Variants in SLC1A2 observed in about 807,000 individuals in gnomAD.
SLC1A2 encodes the protein solute carrier family 1 member 2, also known as excitatory amino acid transporter 2.
Under a neutral mutation model 48.8 loss-of-function variants are expected in SLC1A2, and 15 were observed. The observed-to-expected ratio is 0.31, with a 90% CI of 0.21 to 0.47. SLC1A2 has a LOEUF of 0.47. Ranked by LOEUF, SLC1A2 falls within the 20% of genes least tolerant of loss-of-function variation. SLC1A2 has a pLI of 0.99. For missense variants in SLC1A2, 502 were observed against 730.5 expected (o/e 0.69, Z 3.61); for synonymous variants, 279 against 272.6 (o/e 1.02, Z -0.23).
At chr11:35,325,395 G>A (rs546241106) in intron 1 of SLC1A2, among the ~76,000 whole-genome samples, 1 of 152,244 alleles carries the variant, frequency 6.6e-6, no homozygotes, top group Non-Finnish European at 1.5e-5. Context: ...TTCCCCACTA[G>A]AACATAAACA....
intron 1 of SLC1A2, among the ~76,000 whole-genome samples, chr11:35,333,516 A>C (rs1017154638): frequency 1.3e-5 from 2 of 152,074 alleles, no homozygotes; most frequent in African/African-American, 4.8e-5. Context: ...CACAGAATTT[A>C]TTCACCTTAA....
rs1412665770 is a variant in SLC1A2, at chr11:35,286,768, A to G, written c.1275T>C (p.Ile425=). Residue 425 remains isoleucine, a synonymous_variant, in exon 8 of 11, where the codon ATT becomes ATC. Transcript: ENST00000278379. ...MNGVVLDGGQ[I]VTVSLTATLA... is the part of the protein sequence containing the mutation. ...CCCACCCTTCTCACCTTACAGTCACAATCTGTCCTCCATCCAGGACAACAC... is the reference window on the plus strand; with the variant it reads ...CCCACCCTTCTCACCTTACAGTCACGATCTGTCCTCCATCCAGGACAACAC... 20 of 1,612,718 alleles carry G rather than the reference A, an allele frequency of 1.2e-5. No homozygotes were observed. Among genetic ancestry groups the G allele is most frequent in the Non-Finnish European group, 1.7e-5 (20 of 1,179,242 alleles).
At position 35,286,879 on chromosome 11, in the gene SLC1A2, G is replaced by A. The variant is rs1166128973; in HGVS notation, c.1164C>T (p.Phe388=). 7 of 1,613,920 alleles carry A rather than the reference G, an allele frequency of 4.3e-6. No individual in the cohort carries two copies. Among genetic ancestry groups the A allele is most frequent in the African/African-American group, 1.3e-5 (1 of 74,912 alleles). Residue 388 remains phenylalanine (F), a synonymous_variant, in exon 8 of 11, where the codon TTC becomes TTT. Transcript: ENST00000278379. The part of the protein sequence containing the change: ...NLGIDKRVTR[F]VLPVGATINM... ...TAATGGTTGCTCCAACAGGAAGGAC[G>A]AATCTAGTCACACGCTTATCAATCC...
intron 1 of SLC1A2, 132 bp from the exon 2 acceptor site, chr11:35,317,648 G>T: frequency 2.8e-6 from 3 of 1,057,198 alleles, no homozygotes; most frequent in African/African-American, 1.6e-5. Context: ...AAAAGTAAGT[G>T]TGACTCAGGG....
intron 1 of SLC1A2, among the ~76,000 whole-genome samples, chr11:35,341,547 C>T (rs1044511878): frequency 2.6e-5 from 4 of 152,178 alleles, no homozygotes; most frequent in Non-Finnish European, 5.9e-5. Context: ...AAAAAACACT[C>T]TCAACTACCT....
intron 7 of SLC1A2, among the ~76,000 whole-genome samples, chr11:35,290,874 G>C (rs1267898667): frequency 2.0e-5 from 3 of 152,108 alleles, no homozygotes; most frequent in Non-Finnish European, 4.4e-5. Context: ...ATATATTCCA[G>C]CTTTGTCTGA....
intron 9 of SLC1A2, among the ~76,000 whole-genome samples, chr11:35,267,529 G>A (rs1337894318): frequency 6.6e-6 from 1 of 152,060 alleles, no homozygotes; most frequent in Admixed American, 6.5e-5. Context: ...CTTCTAGGTA[G>A]ATCATCCAAA....
At chr11:35,387,592 ATTTG>A (rs1405062280) in intron 1 of SLC1A2, among the ~76,000 whole-genome samples, 1 of 152,150 alleles carries the variant, frequency 6.6e-6, no homozygotes, top group Non-Finnish European at 1.5e-5. Flanking sequence ...TGCAAGGCCT[ATTTG>A]TTTTTTGTTC....
In SLC1A2 at chr11:35,254,083, T is replaced by C. The variant is rs766716236; in HGVS notation, c.*6811A>G. The stretch of plus-strand genomic sequence containing the variant: ...ATACTGATCAGAGGGCAATATATTG[T>C]CCCTGGTAACACAGACTCTTACCAG... On this transcript the variant is annotated 3_prime_UTR_variant, in exon 11 of 11. Transcript: ENST00000278379. The C allele has an allele frequency of 1.3e-5, 2 of 152,526 alleles. No homozygotes were observed. Among genetic ancestry groups the C allele is most frequent in the Non-Finnish European group, 2.9e-5 (2 of 68,032 alleles). The allele number at this position is 152,526 out of a possible 1,614,324, so 9.4% of individuals were successfully genotyped here. A position where few individuals can be genotyped will look rare whatever the true frequency, so the allele number is the denominator to read the frequency against.
rs148853536 is a variant in SLC1A2, at chr11:35,282,280, G to C, written c.1287-1279C>G. On this transcript the variant is annotated intron_variant, in intron 8 of 10. Transcript: ENST00000278379. ...CCATCTGGGTCACAGGAGGTACAGT[G>C]TGGAGTGCTCAGCCGTGAAAGTTCT... Among the ~76,000 whole-genome samples, 7 of 152,250 alleles carry C rather than the reference G, an allele frequency of 4.6e-5. No individual in the cohort carries two copies. The East Asian group carries it at 1.2e-3, about 25-fold the overall frequency.
chr11:35,310,759 G>A (rs1187046327), intron 4 of SLC1A2, among the ~76,000 whole-genome samples: 1 of 152,156 alleles, frequency 6.6e-6, no homozygotes, highest in African/African-American at 2.4e-5. Flanking sequence ...TGGCCTTGGG[G>A]CTAGAAAACA....
intron 1 of SLC1A2, among the ~76,000 whole-genome samples, chr11:35,323,958 A>T (rs1335388187): frequency 1.3e-5 from 2 of 152,234 alleles, no homozygotes; most frequent in Admixed American, 6.5e-5. Context: ...GAACACAGTC[A>T]AACAGGTAAA....
intron 1 of SLC1A2, among the ~76,000 whole-genome samples, chr11:35,320,364 A>G (rs1325399487): frequency 6.6e-6 from 1 of 152,206 alleles, no homozygotes; most frequent in Non-Finnish European, 1.5e-5. Flanking sequence ...CATAAAGCAC[A>G]TTGTACTGTA....
chr11:35,408,699 C>T (rs1855373146), intron 1 of SLC1A2, among the ~76,000 whole-genome samples: 1 of 152,140 alleles, frequency 6.6e-6, no homozygotes, highest in Non-Finnish European at 1.5e-5. Context: ...GTCCAGAGGA[C>T]AAAAGGGTAA....
Position 35,260,928 on chromosome 11 carries a change from C to T in SLC1A2, c.1691G>A (p.Ser564Asn), listed in dbSNP as rs1271887978. The change falls in exon 11 of 11, where the codon AGT becomes AAT. Residue 564 changes from serine to asparagine, a missense_variant. Coordinates refer to ENST00000278379, the MANE Select transcript of SLC1A2 (RefSeq NM_004171.4). ...ACGTTTCCAAGGTTCTTCCTCAACA[C>T]TGCAGTCGGCTGACTTTCCATTGGC... ...LAANGKSADCSVEEEPWKREK is the reference protein window; with the variant it reads ...LAANGKSADCNVEEEPWKREK 1 of 1,613,918 alleles carries T rather than the reference C, an allele frequency of 6.2e-7. No homozygotes were observed. Among genetic ancestry groups the T allele is most frequent in the Admixed American group, 1.7e-5 (1 of 60,012 alleles).
rs188478076 is a variant in SLC1A2 at position 35,253,861 on chromosome 11, C to T, written c.*7033G>A. The T allele has an allele frequency of 2.6e-5, 4 of 152,752 alleles. No individual in the cohort carries two copies. Among genetic ancestry groups the T allele is most frequent in the African/African-American group, 9.6e-5 (4 of 41,568 alleles). 9.5% of individuals were successfully genotyped at this position (152,752 alleles called of 1,614,324 possible). On this transcript the variant is annotated 3_prime_UTR_variant, in exon 11 of 11. Transcript: ENST00000278379. ...ATACTAAATAGATTAATTCAGTCTACACTGAGTTCTTTATAATTTCTGAAG... is the reference window on the plus strand; with the variant it reads ...ATACTAAATAGATTAATTCAGTCTATACTGAGTTCTTTATAATTTCTGAAG...
At chr11:35,280,688 C>A in intron 9 of SLC1A2, 179 bp downstream of exon 9, 1 of 520,742 alleles carries the variant, frequency 1.9e-6, no homozygotes, top group Non-Finnish European at 3.4e-6. Flanking sequence ...TCAAATATTT[C>A]ATCTTTTTCT....
chr11:35,380,671 TA>T (rs1854392217), intron 1 of SLC1A2: 2 of 328,880 alleles, frequency 6.1e-6, no homozygotes, highest in Non-Finnish European at 1.1e-5. Flanking sequence ...ACAAAATAAA[TA>T]AATAAAAGGG....
At chr11:35,280,735 C>T (rs2236274) in intron 9 of SLC1A2, 132 bp downstream of exon 9, 6,698 of 584,738 alleles carry the variant, frequency 0.011, 236 homozygotes, top group East Asian at 0.1. Context: ...TAAATGTGAG[C>T]GGGAAGGAGG....
Sources: gnomAD v4.1 joint callset for allele counts (sites outside exome capture counted in the v4.1 genomes callset) on GRCh38, gnomAD v4.1.1 for gene constraint, MANE v1.5 for transcripts, NCBI Gene and HGNC (gene_info 2026-07-23, HGNC 2026-07-21) for gene names.